The following NRG3 variants were observed in gnomAD, a reference collection of about 807,000 sequenced individuals.
NRG3 encodes the protein neuregulin 3.
In NRG3, 31 loss-of-function variants were observed where a neutral mutation model predicts 66.9. The observed-to-expected ratio is 0.46, with a 90% CI of 0.35 to 0.63. The LOEUF (loss-of-function observed/expected upper bound fraction) is 0.63. Among genes scored for constraint, NRG3 ranks in the 20% least tolerant of loss-of-function variants. NRG3 has a pLI of 0.00. For synonymous variants in NRG3, 393 were observed against 359.4 expected, an observed-to-expected ratio of 1.09 and a Z score of -1.06; for missense variants, 910 against 878.9, an observed-to-expected ratio of 1.04 and a Z score of -0.45.
chr10:82,140,452 G>T (rs1241137962), intron 1 of NRG3, among the ~76,000 whole-genome samples: 1 of 152,162 alleles, frequency 6.6e-6, no homozygotes. Flanking sequence ...TAAACAAATT[G>T]TCTTTAAAGT....
intron 2 of NRG3, among the ~76,000 whole-genome samples, chr10:82,608,939 C>G (rs1476460699): frequency 6.6e-6 from 1 of 152,138 alleles, no homozygotes; most frequent in Non-Finnish European, 1.5e-5. Context: ...TCAAGCTTGT[C>G]CATACTGAGC....
chr10:82,151,506 G>A (rs2070744348), intron 1 of NRG3, among the ~76,000 whole-genome samples: 1 of 152,054 alleles, frequency 6.6e-6, no homozygotes, highest in Admixed American at 6.6e-5. Context: ...CTCCTTTTCT[G>A]GTTTCCTCTG....
chr10:82,150,184 G>A (rs2070602114), intron 1 of NRG3, among the ~76,000 whole-genome samples: 1 of 152,110 alleles, frequency 6.6e-6, no homozygotes, highest in South Asian at 2.1e-4. Context: ...TGATTTGATG[G>A]ATCAGAGGCT....
chr10:82,629,847 G>T (rs2348332), intron 2 of NRG3, among the ~76,000 whole-genome samples: 15,255 of 152,226 alleles, frequency 0.1, 905 homozygotes, highest in East Asian at 0.22. Flanking sequence ...AATAAGGACA[G>T]AAGTCAGAAT....
chr10:82,551,752 C>T (rs73311951), intron 2 of NRG3, among the ~76,000 whole-genome samples: 2,933 of 152,106 alleles, frequency 0.019, 97 homozygotes, highest in African/African-American at 0.067. Context: ...CCAAGTGCTT[C>T]GTCTCAAACC....
chr10:81,912,864 C>G (rs1010796486), intron 1 of NRG3, among the ~76,000 whole-genome samples: 31 of 152,192 alleles, frequency 2.0e-4, no homozygotes, highest in Admixed American at 1.8e-3. Flanking sequence ...TCAGATCATC[C>G]AGGCATCTTC....
intron 2 of NRG3, among the ~76,000 whole-genome samples, chr10:82,379,176 G>A (rs182581798): frequency 6.6e-6 from 1 of 152,150 alleles, no homozygotes; most frequent in Admixed American, 6.5e-5. Flanking sequence ...GTTGAGAGGG[G>A]TTAACTGTGG....
intron 1 of NRG3, among the ~76,000 whole-genome samples, chr10:82,185,874 A>G (rs904133412): frequency 2.6e-5 from 4 of 152,166 alleles, no homozygotes; most frequent in Admixed American, 6.6e-5. Flanking sequence ...CATTCAATCT[A>G]AAGAGTTTCG....
At chr10:82,718,526 T>A (rs535344663) in intron 2 of NRG3, among the ~76,000 whole-genome samples, 94 of 152,350 alleles carry the variant, frequency 6.2e-4, no homozygotes, top group African/African-American at 2.2e-3. Context: ...TGAAAACTCA[T>A]GGTCAAAAAG....
At chr10:82,930,336 A>C (rs1847441308) in intron 4 of NRG3, among the ~76,000 whole-genome samples, 1 of 152,214 alleles carries the variant, frequency 6.6e-6, no homozygotes, top group South Asian at 2.1e-4. Context: ...TAGTGGTGGA[A>C]TTTAAGAAGG....
intron 1 of NRG3, among the ~76,000 whole-genome samples, chr10:82,007,903 A>C (rs1028987687): frequency 3.3e-5 from 5 of 152,132 alleles, no homozygotes; most frequent in Admixed American, 3.3e-4. Context: ...CAGTGCATTA[A>C]AAAAATTAAA....
At chr10:82,275,329 T>A (rs1347505769) in intron 1 of NRG3, among the ~76,000 whole-genome samples, 1 of 152,008 alleles carries the variant, frequency 6.6e-6, no homozygotes, top group African/African-American at 2.4e-5. Flanking sequence ...ACGTTTACCT[T>A]GGACAGTATC....
At chr10:82,521,617 G>T (rs1241786976) in intron 2 of NRG3, among the ~76,000 whole-genome samples, 1 of 152,098 alleles carries the variant, frequency 6.6e-6, no homozygotes, top group Non-Finnish European at 1.5e-5. Context: ...TGGGATTACA[G>T]GCATGGCCAC....
At chr10:82,377,435 CGTGTGTGTGT>C (rs200662785) in intron 2 of NRG3, among the ~76,000 whole-genome samples, 2 of 132,222 alleles carry the variant, frequency 1.5e-5, no homozygotes, top group Admixed American at 7.3e-5. Flanking sequence ...TGTGTGTGCG[CGTGTGTGTGT>C]GTGTGTGTGT....
chr10:82,922,438 G>C (rs973830999), intron 4 of NRG3, among the ~76,000 whole-genome samples: 1 of 152,132 alleles, frequency 6.6e-6, no homozygotes, highest in Admixed American at 6.6e-5. Context: ...ACCTATGTCT[G>C]TCTTTCAGGA....
intron 3 of NRG3, among the ~76,000 whole-genome samples, chr10:82,791,825 G>C (rs1565320418): frequency 6.6e-6 from 1 of 152,174 alleles, no homozygotes; most frequent in Non-Finnish European, 1.5e-5. Context: ...TTATGATAGG[G>C]CTTTCCTCCC....
chr10:82,339,733 C>T (rs1180975233), intron 1 of NRG3, among the ~76,000 whole-genome samples: 1 of 152,072 alleles, frequency 6.6e-6, no homozygotes, highest in Non-Finnish European at 1.5e-5. Context: ...TAATATATTT[C>T]TGGAGTCCCT....
rs11191981 is a variant in NRG3, at chr10:81,969,878, A to G, written c.823+93715A>G. On this transcript the variant is annotated intron_variant, in intron 1 of 8. Transcript: ENST00000372141. ...GTATTCCAATGCCCGTTTTAACTCA[A>G]TCTCTTCATACAGATTTCATTCCAA... Among the ~76,000 whole-genome samples the G allele has an allele frequency of 3.2e-4, 49 of 152,074 alleles. No homozygotes were observed. The East Asian group carries it at 9.5e-3, about 29-fold the overall frequency.
At chr10:82,901,716 G>A (rs2131884808) in intron 4 of NRG3, among the ~76,000 whole-genome samples, 1 of 152,336 alleles carries the variant, frequency 6.6e-6, no homozygotes, top group South Asian at 2.1e-4. Flanking sequence ...AGGTCAAACA[G>A]AGCAGCAGAT....
Sources: gnomAD v4.1 joint callset for allele counts (sites outside exome capture counted in the v4.1 genomes callset) on GRCh38, gnomAD v4.1.1 for gene constraint, MANE v1.5 for transcripts, NCBI Gene and HGNC (gene_info 2026-07-23, HGNC 2026-07-21) for gene names.